Variants in AGO4 observed in about 807,000 individuals in gnomAD.
AGO4 encodes the protein argonaute RISC component 4.
Under a neutral mutation model 104.7 loss-of-function variants are expected in AGO4, and 33 were observed. The observed-to-expected ratio is 0.32, with a 90% CI of 0.24 to 0.42. AGO4 has a LOEUF of 0.42. Among genes scored for constraint, AGO4 ranks in the 10% least tolerant of loss-of-function variants. The pLI is 1.00. For synonymous variants in AGO4, 331 were observed against 364.7 expected (o/e 0.91, Z 1.05); for missense variants, 711 against 1,083.4 (o/e 0.66, Z 4.83).
At position 35,831,361 on chromosome 1, in the gene AGO4, A is replaced by G. The variant is rs528811385; in HGVS notation, c.849-66A>G. ...GTGAGACACTGTCTCAAAAAAAAAG[A>G]AAAAAGAAAAAGAAGAAAAGAAAGA... On this transcript the variant is annotated intron_variant, in intron 7 of 17. Transcript: ENST00000373210. 2.4e-5 allele frequency: 36 copies of G among 1,528,528 alleles called. No homozygotes were observed. In the African/African-American group the frequency reaches 3.6e-4, roughly 15 times the overall value. The allele number at this position is 1,528,528 out of a possible 1,614,324, so 94.7% of individuals were successfully genotyped here. A position where few individuals can be genotyped will look rare whatever the true frequency, so the allele number is the denominator to read the frequency against.
At chr1:35,838,625 A>G (rs1483286264) in intron 13 of AGO4, among the ~76,000 whole-genome samples, 2 of 151,976 alleles carry the variant, frequency 1.3e-5, no homozygotes, top group African/African-American at 2.4e-5. Context: ...TGTCAGATTG[A>G]CTCTAGAGTA....
At chr1:35,822,228 C>T (rs567696715) in intron 2 of AGO4, among the ~76,000 whole-genome samples, 10 of 151,614 alleles carry the variant, frequency 6.6e-5, no homozygotes, top group African/African-American at 2.4e-4. Flanking sequence ...GATGTACCTC[C>T]GTGTCAAACT....
chr1:35,853,578 T>C lies in AGO4; in HGVS notation c.2559T>C (p.Asp853=). 2 of 1,614,098 alleles carry C rather than the reference T, an allele frequency of 1.2e-6. No homozygotes were observed. Among genetic ancestry groups the C allele is most frequent in the African/African-American group, 1.3e-5 (1 of 75,046 alleles). Residue 853 remains aspartate (D), a synonymous_variant, in exon 18 of 18, where the codon GAT becomes GAC. Coordinates refer to ENST00000373210, the MANE Select transcript of AGO4 (RefSeq NM_017629.4). ...CTAAGGCTGTGCAAATCCACCATGA[T>C]ACCCAGCACACGATGTATTTTGCCT... The part of the protein sequence containing the change: ...ALAKAVQIHH[D]TQHTMYFA
At chr1:35,817,151 T>C in intron 2 of AGO4, 104 bp downstream of exon 2, 1 of 1,220,260 alleles carries the variant, frequency 8.2e-7, no homozygotes, top group Non-Finnish European at 1.1e-6. Flanking sequence ...TTTGTTATTC[T>C]CTAAGATGAT....
Position 35,854,877 on chromosome 1 carries a change from A to G in AGO4, c.*1272A>G, listed in dbSNP as rs1644785261. The G allele has an allele frequency of 6.6e-6, 1 of 152,636 alleles. No homozygotes were observed. The highest frequency in any genetic ancestry group is 2.1e-4 in the South Asian group (1 of 4,832). The allele number at this position is 152,636 out of a possible 1,614,324, so 9.5% of individuals were successfully genotyped here. On this transcript the variant is annotated 3_prime_UTR_variant, in exon 18 of 18. Coordinates refer to ENST00000373210, the MANE Select transcript of AGO4 (RefSeq NM_017629.4). ...TTTTTTGCTTCTCTTTCGACATGAA[A>G]TGTACTTGGTGGGTTTTCCTTCCTT... is the stretch of plus-strand genomic sequence containing the variant.
intron 1 of AGO4, among the ~76,000 whole-genome samples, chr1:35,815,880 C>T (rs558773491): frequency 7.9e-5 from 12 of 152,238 alleles, no homozygotes; most frequent in African/African-American, 2.9e-4. Context: ...GGTTGAGAAC[C>T]ACTGGTCTAG....
intron 13 of AGO4, among the ~76,000 whole-genome samples, chr1:35,837,919 G>A (rs898194477): frequency 6.6e-6 from 1 of 151,956 alleles, no homozygotes; most frequent in African/African-American, 2.4e-5. Flanking sequence ...GTCTCACTCT[G>A]TCACCCAGGC....
chr1:35,841,385 C>T lies in AGO4; in HGVS notation c.1945C>T (p.Arg649Ter). 6.2e-7 allele frequency: 1 copy of T among 1,614,162 alleles called. No individual in the cohort carries two copies. Among genetic ancestry groups the T allele is most frequent in the Non-Finnish European group, 8.5e-7 (1 of 1,180,034 alleles). Reference sequence around the variant, plus strand: ...CATCCAGGACCTGACTAACATGGTTCGAGAGCTGCTGATTCAGTTCTACAA... The same window carrying T: ...CATCCAGGACCTGACTAACATGGTTTGAGAGCTGCTGATTCAGTTCTACAA... ...EVIQDLTNMV[R>*]ELLIQFYKST... Residue 649 changes from arginine (R) to a stop codon, truncating the protein, a stop_gained, in exon 14 of 18, where the codon CGA (arginine) becomes TGA (stop). Coordinates refer to ENST00000373210, the MANE Select transcript of AGO4 (RefSeq NM_017629.4). LOFTEE classifies it high-confidence loss of function. The surrounding 1 kb of genome is among the most constrained non-coding windows in gnomAD (Gnocchi z 4.7).
chr1:35,813,894 T>C (rs1186165092), intron 1 of AGO4, among the ~76,000 whole-genome samples: 1 of 151,808 alleles, frequency 6.6e-6, no homozygotes, highest in Non-Finnish European at 1.5e-5. Context: ...GCCAATGTAG[T>C]GAAACCCCGT....
In AGO4 at chr1:35,841,810, A is replaced by G. The variant is rs1644450841; in HGVS notation, c.2175+60A>G. ...GCTCTGGCAAGAGATGTATATATGC[A>G]CATATATATATATATATATATATAT... On this transcript the variant is annotated intron_variant, in intron 15 of 17. Transcript: ENST00000373210. The surrounding 1 kb of genome is among the most constrained non-coding windows in gnomAD (Gnocchi z 4.7). 15 of 856,156 alleles carry G rather than the reference A, an allele frequency of 1.8e-5. No homozygotes were observed. Among genetic ancestry groups the G allele is most frequent in the Non-Finnish European group, 2.3e-5 (15 of 640,666 alleles). 53.0% of individuals were successfully genotyped at this position (856,156 alleles called of 1,614,324 possible). A position where few individuals can be genotyped will look rare whatever the true frequency, so the allele number is the denominator to read the frequency against.
intron 7 of AGO4, 58 bp downstream of exon 7, chr1:35,826,893 T>A: frequency 3.2e-6 from 5 of 1,559,316 alleles, no homozygotes; most frequent in Non-Finnish European, 4.4e-6. Context: ...AGGGAGCTAC[T>A]ATAATTGTTT....
In AGO4 at chr1:35,841,517, A is replaced by T; in HGVS notation, c.2040+37A>T. 5 of 1,608,636 alleles carry T rather than the reference A, an allele frequency of 3.1e-6. No individual in the cohort carries two copies. Among genetic ancestry groups the T allele is most frequent in the Non-Finnish European group, 4.3e-6 (5 of 1,175,810 alleles). On this transcript the variant is annotated intron_variant, in intron 14 of 17. Coordinates refer to ENST00000373210, the MANE Select transcript of AGO4 (RefSeq NM_017629.4). The surrounding 1 kb of genome is among the most constrained non-coding windows in gnomAD (Gnocchi z 4.7). ...ATCCCTGTTGCCCTTCGGGGCCCCT[A>T]GGAGTCTGAGGGAGATTCCTCTCAT...
Position 35,841,811 on chromosome 1 carries a change from C to CATATATATATATATATATAT in AGO4, c.2175+69_2175+88dup, listed in dbSNP as rs5773512. On this transcript the variant is annotated intron_variant, in intron 15 of 17. Transcript: ENST00000373210. This position sits in a 1 kb window ranked among gnomAD's most constrained non-coding sequence, Gnocchi z 4.7. ...CTCTGGCAAGAGATGTATATATGCACATATATATATATATATATATATATA... is the reference window on the plus strand; with the variant it reads ...CTCTGGCAAGAGATGTATATATGCACATATATATATATATATATATATATATATATATATATATATATATA... 281 of 606,398 alleles carry CATATATATATATATATATAT rather than the reference C, an allele frequency of 4.6e-4. 1 individual carries two copies. Among genetic ancestry groups the CATATATATATATATATATAT allele is most frequent in the African/African-American group, 1.1e-3 (54 of 49,668 alleles). 37.6% of individuals were successfully genotyped at this position (606,398 alleles called of 1,614,324 possible). A position where few individuals can be genotyped will look rare whatever the true frequency, so the allele number is the denominator to read the frequency against.
chr1:35,837,990 C>A (rs549095003), intron 13 of AGO4, among the ~76,000 whole-genome samples: 99 of 152,156 alleles, frequency 6.5e-4, no homozygotes, highest in Non-Finnish European at 1.1e-3. Flanking sequence ...TCAAGCGATT[C>A]TCCCGCTTTA....
rs763845119 is a variant in AGO4, at chr1:35,825,909, C to T, written c.626-17C>T. The T allele has an allele frequency of 1.9e-5, 31 of 1,613,068 alleles. No homozygotes were observed. In the South Asian group the frequency reaches 3.2e-4, roughly 17 times the overall value. On this transcript the variant is annotated splice_polypyrimidine_tract_variant and intron_variant, in intron 5 of 17. Transcript: ENST00000373210. ...TTCCCTTTTCCCTGAAGTGAAGTATCCTTCTCTGTTTGTTAGTATCTGCAA... is the reference window on the plus strand; with the variant it reads ...TTCCCTTTTCCCTGAAGTGAAGTATTCTTCTCTGTTTGTTAGTATCTGCAA...
In AGO4 at chr1:35,853,673, C is replaced by A; in HGVS notation, c.*68C>A. ...GCCTCAAAATGTTTCAAATGCCTAC[C>A]GCCTCTAGATCGAGCCACGTTGACT... On this transcript the variant is annotated 3_prime_UTR_variant, in exon 18 of 18. Coordinates refer to ENST00000373210, the MANE Select transcript of AGO4 (RefSeq NM_017629.4). 1 of 1,395,866 alleles carries A rather than the reference C, an allele frequency of 7.2e-7. No homozygotes were observed. 86.5% of individuals were successfully genotyped at this position (1,395,866 alleles called of 1,614,324 possible).
intron 13 of AGO4, among the ~76,000 whole-genome samples, chr1:35,839,901 A>G (rs1178267134): frequency 6.7e-6 from 1 of 149,918 alleles, no homozygotes; most frequent in Non-Finnish European, 1.5e-5. Flanking sequence ...CAGGAGGTTG[A>G]GGCTGCAGTG....
chr1:35,818,701 G>A (rs6685333), intron 2 of AGO4, among the ~76,000 whole-genome samples: 1 of 150,890 alleles, frequency 6.6e-6, no homozygotes, highest in African/African-American at 2.4e-5. Context: ...AAGGAAGGAA[G>A]GAAAGAAACA....
chr1:35,818,625 A>AAAAG (rs60952067), intron 2 of AGO4, among the ~76,000 whole-genome samples: 3,558 of 126,028 alleles, frequency 0.028, 235 homozygotes, highest in African/African-American at 0.1. Context: ...CTCTGTCTCA[A>AAAAG]AAAGAAAGAA....
Sources: gnomAD v4.1 joint callset for allele counts (sites outside exome capture counted in the v4.1 genomes callset) on GRCh38, gnomAD v4.1.1 for gene constraint, Gnocchi (gnomAD v3.1) non-coding constraint, MANE v1.5 for transcripts, NCBI Gene and HGNC (gene_info 2026-07-23, HGNC 2026-07-21) for gene names.